Variants in TNFRSF25 observed in about 807,000 individuals in gnomAD.
TNFRSF25 encodes the protein tumor necrosis factor receptor superfamily member 25.
Under a neutral mutation model 49.4 loss-of-function variants are expected in TNFRSF25, and 28 were observed. That is an observed-to-expected ratio of 0.57 (90% CI 0.42 to 0.78). TNFRSF25 has a LOEUF of 0.78. Ranked by LOEUF, TNFRSF25 falls within the 30% of genes least tolerant of loss-of-function variation. The probability of loss-of-function intolerance (pLI) is 0.00; values close to 1 mark genes in which losing one functional copy is unlikely to be tolerated. For missense variants in TNFRSF25, 531 were observed against 581.6 expected (o/e 0.91, Z 0.90); for synonymous variants, 240 against 234.2 (o/e 1.02, Z -0.23).
rs1402327112 is a variant in TNFRSF25, at chr1:6,462,615, A to G, written c.744+14T>C. ...TCCAGAAGGCAGCCCAGAATCACACAGTGAGGTTCTTACCGGTGGTGGGGT... is the reference window on the plus strand; with the variant it reads ...TCCAGAAGGCAGCCCAGAATCACACGGTGAGGTTCTTACCGGTGGTGGGGT... On this transcript the variant is annotated intron_variant, in intron 8 of 9. Transcript: ENST00000356876. The surrounding 1 kb of genome is among the most constrained non-coding windows in gnomAD (Gnocchi z 4.2). 1 of 1,611,840 alleles carries G rather than the reference A, an allele frequency of 6.2e-7. No individual in the cohort carries two copies. The highest frequency in any genetic ancestry group is 8.5e-7 in the Non-Finnish European group (1 of 1,179,094).
chr1:6,464,669 C>T lies in TNFRSF25; in HGVS notation c.346G>A (p.Gly116Ser). The stretch of plus-strand genomic sequence containing the variant: ...TCCACAAACCAGCCTGGCTTACAGC[C>T]ACAGCGGGTGTCGGCCACTGCTGAA... ...NCSAVADTRC[G>S]CKPGWFVECQ... Residue 116 changes from glycine (G) to serine (S), a missense_variant, in exon 4 of 10, where the codon GGC (glycine) becomes AGC (serine). Coordinates refer to ENST00000356876, the MANE Select transcript of TNFRSF25 (RefSeq NM_003790.3). 6.2e-7 allele frequency: 1 copy of T among 1,614,034 alleles called. No individual in the cohort carries two copies. Among genetic ancestry groups the T allele is most frequent in the Middle Eastern group, 1.6e-4 (1 of 6,062 alleles).
In TNFRSF25 at chr1:6,460,883, AC is replaced by A; in HGVS notation, c.*550del. ...TCTCCAACTGCTGCACCCCATCCCGACCCTGTCTCCGCCACCTCGCAGCCCC... is the reference window on the plus strand; with the variant it reads ...TCTCCAACTGCTGCACCCCATCCCGACCTGTCTCCGCCACCTCGCAGCCCC... On this transcript the variant is annotated 3_prime_UTR_variant, in exon 10 of 10. Transcript: ENST00000356876. 6.0e-6 allele frequency: 2 copies of A among 332,856 alleles called. No individual in the cohort carries two copies. Among genetic ancestry groups the A allele is most frequent in the Non-Finnish European group, 6.0e-6 (1 of 166,796 alleles). 20.6% of individuals were successfully genotyped at this position (332,856 alleles called of 1,614,324 possible).
rs774788181 is a variant in TNFRSF25, at chr1:6,461,619, G to A, written c.1069C>T (p.Arg357Cys). 4.4e-6 allele frequency: 7 copies of A among 1,608,804 alleles called. No individual in the cohort carries two copies. Among genetic ancestry groups the A allele is most frequent in the Non-Finnish European group, 5.9e-6 (7 of 1,179,228 alleles). The part of the protein sequence containing the change: ...WKEFVRTLGL[R>C]EAEIEAVEVE... ...TCCACGGCTTCGATCTCTGCCTCGC[G>A]CAGCCCCAGCGTGCGCACGAACTCC... Residue 357 changes from arginine (R) to cysteine (C), a missense_variant, in exon 10 of 10, where the codon CGC (arginine) becomes TGC (cysteine). By Grantham distance (180) the Arg-to-Cys change is radical. Transcript: ENST00000356876. The surrounding 1 kb of genome is among the most constrained non-coding windows in gnomAD (Gnocchi z 6.3).
In TNFRSF25 at chr1:6,465,164, A is replaced by G. The variant is rs1411129981; in HGVS notation, c.219T>C (p.Cys73=). The change falls in exon 3 of 10, where the codon TGT becomes TGC. Residue 73 remains cysteine, a synonymous_variant. Coordinates refer to ENST00000356876, the MANE Select transcript of TNFRSF25 (RefSeq NM_003790.3). The stretch of plus-strand genomic sequence containing the variant: ...CCCAGGCCAAGAAGGTGTCTTGGGG[A>G]CACACAAGGCAGGTGGAGTTGCCGC... ...EPCGNSTCLV[C]PQDTFLAWEN... 1 of 1,613,754 alleles carries G rather than the reference A, an allele frequency of 6.2e-7. No homozygotes were observed. Among genetic ancestry groups the G allele is most frequent in the East Asian group, 2.2e-5 (1 of 44,894 alleles).
At chr1:6,465,249 G>A (rs1364624361) in intron 2 of TNFRSF25, 27 bp from the exon 3 acceptor site, 1 of 1,593,666 alleles carries the variant, frequency 6.3e-7, no homozygotes, top group Middle Eastern at 2.1e-4. Flanking sequence ...GGGTCAGGCA[G>A]GCAGAGGGGC....
intron 1 of TNFRSF25, 35 bp downstream of exon 1, chr1:6,466,034 C>A: frequency 6.4e-7 from 1 of 1,569,424 alleles, no homozygotes; most frequent in Non-Finnish European, 8.6e-7. Context: ...GGACAGGGCT[C>A]AAAGCTGCCC....
rs1203748565 is a variant in TNFRSF25 at position 6,463,147 on chromosome 1, C to T, written c.543-20G>A. On this transcript the variant is annotated intron_variant, in intron 5 of 9. Transcript: ENST00000356876. ...GTGCTCCTGCAAGGGACGGGGGTGG[C>T]CTGAGGGATGAGGGGGTGCATGCCA... 4.5e-6 allele frequency: 7 copies of T among 1,549,948 alleles called. No individual in the cohort carries two copies. The highest frequency in any genetic ancestry group is 5.2e-6 in the Non-Finnish European group (6 of 1,146,120).
rs751642437 is a variant in TNFRSF25 at position 6,466,038 on chromosome 1, G to T, written c.39+31C>A. The T allele has an allele frequency of 2.5e-6, 4 of 1,573,648 alleles. No individual in the cohort carries two copies. The South Asian group carries it at 3.5e-5, about 14-fold the overall frequency. On this transcript the variant is annotated intron_variant, in intron 1 of 9. Coordinates refer to ENST00000356876, the MANE Select transcript of TNFRSF25 (RefSeq NM_003790.3). ...CGAGGCTCTTGGGACAGGGCTCAAA[G>T]CTGCCCCTAGCCTCCTGCGTCTCAA... is the stretch of plus-strand genomic sequence containing the variant.
At position 6,462,960 on chromosome 1, in the gene TNFRSF25, G is replaced by A; in HGVS notation, c.609C>T (p.Val203=). The change falls in exon 7 of 10, where the codon GTC becomes GTT. Residue 203 remains valine (V), a synonymous_variant. Transcript: ENST00000356876. The surrounding 1 kb of genome is among the most constrained non-coding windows in gnomAD (Gnocchi z 4.2). ...CCACAAGGCCAGCCAGGAGCACCTGGACCCAGAACACTGAAAGCAGCTGGT... is the reference window on the plus strand; with the variant it reads ...CCACAAGGCCAGCCAGGAGCACCTGAACCCAGAACACTGAAAGCAGCTGGT... The part of the protein sequence containing the change: ...AVCGWRQMFW[V]QVLLAGLVVP... 1.9e-6 allele frequency: 3 copies of A among 1,595,922 alleles called. No individual in the cohort carries two copies. Among genetic ancestry groups the A allele is most frequent in the South Asian group, 2.3e-5 (2 of 88,360 alleles).
At chr1:6,464,143 G>C in intron 5 of TNFRSF25, 2 of 1,399,216 alleles carry the variant, frequency 1.4e-6, no homozygotes, top group South Asian at 1.5e-5. Flanking sequence ...TCGCTGGGGG[G>C]AATGCTGGCT....
Position 6,465,475 on chromosome 1 carries a change from T to C in TNFRSF25, c.125A>G (p.Lys42Arg). 1.2e-6 allele frequency: 2 copies of C among 1,613,980 alleles called. No homozygotes were observed. The highest frequency in any genetic ancestry group is 2.2e-5 in the South Asian group (2 of 91,088). The change falls in exon 2 of 10, where the codon AAG (lysine) becomes AGG (arginine). Residue 42 changes from lysine to arginine, a missense_variant. Lys to Arg is a conservative substitution (Grantham distance 26). Coordinates refer to ENST00000356876, the MANE Select transcript of TNFRSF25 (RefSeq NM_003790.3). Reference sequence around the variant, plus strand: ...GCCTCTGCAACAAAACAGACCAATCTTCTTGTGGAAGTCACCGGCACAGTC... The same window carrying C: ...GCCTCTGCAACAAAACAGACCAATCCTCTTGTGGAAGTCACCGGCACAGTC... Reference protein sequence around the residue: ...RCDCAGDFHKKIGLFCCRGCP... With the variant: ...RCDCAGDFHKRIGLFCCRGCP...
chr1:6,464,819 T>C (rs967657811), intron 3 of TNFRSF25, 100 bp from the exon 4 acceptor site: 16 of 1,431,970 alleles, frequency 1.1e-5, no homozygotes, highest in Non-Finnish European at 1.4e-5. Context: ...GAGACAGAAA[T>C]AGGCGAAAGA....
chr1:6,464,398 G>A lies in TNFRSF25; in HGVS notation c.519C>T (p.Gly173=), dbSNP rs141278540. The change falls in exon 5 of 10, where the codon GGC becomes GGT. Residue 173 remains glycine, a synonymous_variant. Coordinates refer to ENST00000356876, the MANE Select transcript of TNFRSF25 (RefSeq NM_003790.3). ...ACGTGGGGCAGGACACGCAGCCATC[G>A]CCATGTTCATAGAAGCCAGGCAGGC... ...GTCLPGFYEH[G]DGCVSCPTST... 4.7e-5 allele frequency: 76 copies of A among 1,611,100 alleles called. No homozygotes were observed. The highest frequency in any genetic ancestry group is 1.7e-4 in the Admixed American group (10 of 59,526).
Position 6,462,161 on chromosome 1 carries a change from G to A in TNFRSF25, c.758C>T (p.Ser253Leu). 1 of 1,603,396 alleles carries A rather than the reference G, an allele frequency of 6.2e-7. No homozygotes were observed. Among genetic ancestry groups the A allele is most frequent in the African/African-American group, 1.3e-5 (1 of 74,538 alleles). ...AAGGGTGTGGGCGCTGTCCAAGGGT[G>A]ACAGATGGGTGGCCTGGAAGCCAAG... ...ALTPPPATHL[S>L]PLDSAHTLLA... Residue 253 changes from serine to leucine, a missense_variant, in exon 9 of 10, where the codon TCA (serine) becomes TTA (leucine). By Grantham distance (145) the Ser-to-Leu change is moderately radical. Transcript: ENST00000356876. This position sits in a 1 kb window ranked among gnomAD's most constrained non-coding sequence, Gnocchi z 4.2.
At chr1:6,464,752 AG>A (rs1181562772) in intron 3 of TNFRSF25, 33 bp from the exon 4 acceptor site, 1 of 1,605,610 alleles carries the variant, frequency 6.2e-7, no homozygotes, top group African/African-American at 1.3e-5. Context: ...GGGAGTGGAG[AG>A]TTAGTCAGGG....
Position 6,465,193 on chromosome 1 carries a change from G to C in TNFRSF25, c.190C>G (p.Pro64Ala), listed in dbSNP as rs773663286. The change falls in exon 3 of 10, where the codon CCC (proline) becomes GCC (alanine). Residue 64 changes from proline (P) to alanine (A), a missense_variant. Transcript: ENST00000356876. The part of the protein sequence containing the change: ...GHYLKAPCTE[P>A]CGNSTCLVCP... Reference sequence around the variant, plus strand: ...ACAAGGCAGGTGGAGTTGCCGCAGGGCTCCGTGCAAGGGGCCTTCAGGTAG... The same window carrying C: ...ACAAGGCAGGTGGAGTTGCCGCAGGCCTCCGTGCAAGGGGCCTTCAGGTAG... 1 of 1,612,992 alleles carries C rather than the reference G, an allele frequency of 6.2e-7. No individual in the cohort carries two copies. The highest frequency in any genetic ancestry group is 2.2e-5 in the East Asian group (1 of 44,882).
At chr1:6,463,375 C>T (rs936035894) in intron 5 of TNFRSF25, 16 of 587,034 alleles carry the variant, frequency 2.7e-5, no homozygotes, top group South Asian at 4.1e-5. Flanking sequence ...CTATTTTGTC[C>T]CCTGTTGCAT....
intron 3 of TNFRSF25, 130 bp from the exon 4 acceptor site, chr1:6,464,849 C>T: frequency 2.4e-6 from 3 of 1,267,208 alleles, no homozygotes; most frequent in Non-Finnish European, 3.2e-6. Context: ...ACAGGGCTAC[C>T]CTAAAAAAGA....
At position 6,461,321 on chromosome 1, in the gene TNFRSF25, A is replaced by G. The variant is rs1644165037; in HGVS notation, c.*113T>C. 3.0e-6 allele frequency: 4 copies of G among 1,334,672 alleles called. No individual in the cohort carries two copies. The Admixed American group carries it at 6.6e-5, about 22-fold the overall frequency. 82.7% of individuals were successfully genotyped at this position (1,334,672 alleles called of 1,614,324 possible). On this transcript the variant is annotated 3_prime_UTR_variant, in exon 10 of 10. Transcript: ENST00000356876. The surrounding 1 kb of genome is among the most constrained non-coding windows in gnomAD (Gnocchi z 6.3). ...GTGGGGCCGGCTGGTGCTGCTACGC[A>G]GGGCCGTGCCAGCGGCTTAATAAGT...
Sources: allele counts gnomAD v4.1 joint callset, GRCh38; gene constraint gnomAD v4.1.1; non-coding constraint Gnocchi (gnomAD v3.1); transcripts MANE v1.5; gene names NCBI Gene and HGNC (gene_info 2026-07-23, HGNC 2026-07-21).